MYO3B: variants seen among roughly 807,000 people sequenced by gnomAD.
The protein encoded by MYO3B is myosin IIIB, also known as myosin-IIIb.
In MYO3B, 156 loss-of-function variants were observed where a neutral mutation model predicts 174.6. The observed-to-expected ratio is 0.89, with a 90% CI of 0.78 to 1.02. MYO3B has a LOEUF of 1.02. MYO3B is among the 50% of genes least tolerant of loss of function. The probability of loss-of-function intolerance (pLI) is 0.00; values close to 1 mark genes in which losing one functional copy is unlikely to be tolerated. For synonymous variants in MYO3B, 563 were observed against 569.1 expected, an observed-to-expected ratio of 0.99 and a Z score of 0.15; for missense variants, 1,632 against 1,639.4, an observed-to-expected ratio of 1.00 and a Z score of 0.08.
chr2:170,437,350 C>T (rs2094761940), intron 22 of MYO3B, among the ~76,000 whole-genome samples: 1 of 152,066 alleles, frequency 6.6e-6, no homozygotes. Flanking sequence ...ATGACAGATG[C>T]AGGAATGTCA....
At chr2:170,458,070 G>A (rs1174263276) in intron 23 of MYO3B, among the ~76,000 whole-genome samples, 1 of 152,132 alleles carries the variant, frequency 6.6e-6, no homozygotes, top group Non-Finnish European at 1.5e-5. Flanking sequence ...ATGATTACAA[G>A]TATTGTAAAT....
intron 7 of MYO3B, among the ~76,000 whole-genome samples, chr2:170,254,340 A>C (rs1436330917): frequency 6.6e-6 from 1 of 152,080 alleles, no homozygotes; most frequent in African/African-American, 2.4e-5. Context: ...GTAGACGCCC[A>C]CCCGCAAAGG....
At chr2:170,577,227 A>T (rs112621131) in intron 32 of MYO3B, among the ~76,000 whole-genome samples, 1,554 of 152,364 alleles carry the variant, frequency 0.01, 20 homozygotes, top group East Asian at 0.047. Context: ...TAATTATTTT[A>T]AAAGTAATTT....
Position 170,653,316 on chromosome 2 carries a change from A to G in MYO3B, c.*195A>G, listed in dbSNP as rs78800296. 81,888 of 631,472 alleles carry G rather than the reference A, an allele frequency of 0.13. 5,713 individuals carry two copies. The highest frequency in any genetic ancestry group is 0.21 in the Middle Eastern group (502 of 2,368). The allele number at this position is 631,472 out of a possible 1,614,324, so 39.1% of individuals were successfully genotyped here. On this transcript the variant is annotated 3_prime_UTR_variant, in exon 35 of 35. Coordinates refer to ENST00000408978, the MANE Select transcript of MYO3B (RefSeq NM_138995.5). ...TACCACTCTCCCACATGTGTTGTGCAGCCTGAGCTGGGCGCTGCCTTCCTT... is the reference window on the plus strand; with the variant it reads ...TACCACTCTCCCACATGTGTTGTGCGGCCTGAGCTGGGCGCTGCCTTCCTT...
chr2:170,611,358 T>G (rs1695118677), intron 32 of MYO3B, among the ~76,000 whole-genome samples: 1 of 152,214 alleles, frequency 6.6e-6, no homozygotes, highest in South Asian at 2.1e-4. Flanking sequence ...TTGTTTGTTT[T>G]TTTAAAGGGC....
intron 30 of MYO3B, among the ~76,000 whole-genome samples, chr2:170,520,482 TATATATACACAC>T (rs935389317): frequency 2.0e-5 from 3 of 151,750 alleles, no homozygotes; most frequent in African/African-American, 4.8e-5. Context: ...TATACACATA[TATATATACACAC>T]ATATATACAC....
chr2:170,446,281 G>A (rs1422557066), intron 23 of MYO3B, among the ~76,000 whole-genome samples: 4 of 152,172 alleles, frequency 2.6e-5, no homozygotes, highest in African/African-American at 9.6e-5. Flanking sequence ...AAGGGATTAT[G>A]ACACAGAAAC....
intron 32 of MYO3B, among the ~76,000 whole-genome samples, chr2:170,557,382 G>A (rs1243481200): frequency 2.0e-5 from 3 of 151,834 alleles, no homozygotes; most frequent in East Asian, 3.9e-4. Flanking sequence ...CTCGTGATCC[G>A]CCCGCCTCTG....
chr2:170,246,920 G>A (rs1444858575), intron 7 of MYO3B, among the ~76,000 whole-genome samples: 1 of 152,042 alleles, frequency 6.6e-6, no homozygotes, highest in Non-Finnish European at 1.5e-5. Context: ...GAGTTAGATT[G>A]GCCAGCCTTC....
At position 170,179,374 on chromosome 2, in the gene MYO3B, T is replaced by C. The variant is rs372731319; in HGVS notation, c.2+1085T>C. Among the ~76,000 whole-genome samples the C allele has an allele frequency of 2.0e-5, 3 of 152,238 alleles. 1 individual carries two copies. Among genetic ancestry groups the C allele is most frequent in the Admixed American group, 6.5e-5 (1 of 15,304 alleles). ...GATAGGTGGTTTGTGAAGAAGCCAG[T>C]TCCTACTCTTACGTCTTTACCATGG... On this transcript the variant is annotated intron_variant, in intron 1 of 34. Transcript: ENST00000408978.
intron 6 of MYO3B, among the ~76,000 whole-genome samples, chr2:170,229,383 G>A (rs932256965): frequency 6.6e-6 from 1 of 152,102 alleles, no homozygotes; most frequent in Non-Finnish European, 1.5e-5. Flanking sequence ...ACAGCATTTT[G>A]CCTGTGTACT....
chr2:170,523,033 C>G (rs1688780946), intron 30 of MYO3B, among the ~76,000 whole-genome samples: 1 of 152,198 alleles, frequency 6.6e-6, no homozygotes, highest in Non-Finnish European at 1.5e-5. Flanking sequence ...CCCCTTATGT[C>G]ATTGTGAGTA....
At chr2:170,514,333 G>C (rs1409170414) in intron 28 of MYO3B, among the ~76,000 whole-genome samples, 1 of 152,210 alleles carries the variant, frequency 6.6e-6, no homozygotes, top group African/African-American at 2.4e-5. Flanking sequence ...TGGACAATGA[G>C]AAGCTGCAAT....
intron 7 of MYO3B, among the ~76,000 whole-genome samples, chr2:170,258,186 G>T (rs566878530): frequency 6.6e-6 from 1 of 152,014 alleles, no homozygotes; most frequent in Non-Finnish European, 1.5e-5. Context: ...ATCCACAAAA[G>T]TCAAGGAGGA....
At chr2:170,444,523 C>T (rs6433202) in intron 23 of MYO3B, among the ~76,000 whole-genome samples, 1 of 152,200 alleles carries the variant, frequency 6.6e-6, no homozygotes, top group African/African-American at 2.4e-5. Context: ...AGGACTGCTT[C>T]GTTAATATTC....
At chr2:170,384,288 A>G (rs2094357569) in intron 12 of MYO3B, among the ~76,000 whole-genome samples, 1 of 152,176 alleles carries the variant, frequency 6.6e-6, no homozygotes, top group Admixed American at 6.5e-5. Context: ...ATTGTGATAG[A>G]TTGGGTAGAG....
At chr2:170,451,482 G>A (rs1276899315) in intron 23 of MYO3B, among the ~76,000 whole-genome samples, 2 of 152,202 alleles carry the variant, frequency 1.3e-5, no homozygotes, top group Non-Finnish European at 2.9e-5. Flanking sequence ...ACCTAATTTA[G>A]ACCAAATGTT....
chr2:170,614,738 T>A (rs2105305846), intron 32 of MYO3B, among the ~76,000 whole-genome samples: 1 of 152,300 alleles, frequency 6.6e-6, no homozygotes, highest in Middle Eastern at 3.4e-3. Flanking sequence ...ATCAATCACA[T>A]TCTGTCCTGC....
At chr2:170,341,537 T>G (rs1282975420) in intron 8 of MYO3B, 1 of 152,212 alleles carries the variant, frequency 6.6e-6, no homozygotes, top group African/African-American at 2.4e-5. Flanking sequence ...CCATTTTAGA[T>G]TTATTTAGGC....
Sources: gnomAD v4.1 joint callset for allele counts (sites outside exome capture counted in the v4.1 genomes callset) on GRCh38, gnomAD v4.1.1 for gene constraint, MANE v1.5 for transcripts, NCBI Gene and HGNC (gene_info 2026-07-23, HGNC 2026-07-21) for gene names.